The following NME6 variants were observed in gnomAD, a reference collection of about 807,000 sequenced individuals.
NME6 encodes NME/NM23 nucleoside diphosphate kinase 6, also known as nucleoside diphosphate kinase 6, mitochondrial.
In NME6, 16 loss-of-function variants were observed where a neutral mutation model predicts 22.2. That is an observed-to-expected ratio of 0.72 (90% CI 0.49 to 1.09). The LOEUF is 1.09. Ranked by LOEUF, NME6 falls within the 50% of genes least tolerant of loss-of-function variation. The pLI is 0.00. For synonymous variants in NME6, 58 were observed against 85.2 expected (o/e 0.68, Z 1.76); for missense variants, 229 against 239.0 (o/e 0.96, Z 0.28).
At position 48,294,680 on chromosome 3, in the gene NME6, C is replaced by A; in HGVS notation, c.518G>T (p.Gly173Val). Reference protein sequence around the residue: ...CGPVCYSPEGGVHYVAGTGGL... With the variant: ...CGPVCYSPEGVVHYVAGTGGL... ...TCCTGTTCCAGCTACATAGTGGACA[C>A]CTCCCTCTGGGCTATAGCACACAGG... Residue 173 changes from glycine to valine, a missense_variant, in exon 6 of 6, where the codon GGT (glycine) becomes GTT (valine). Physicochemically the swap from Gly to Val is moderately radical, Grantham distance 109. Coordinates refer to ENST00000442597, the MANE Select transcript of NME6 (RefSeq NM_001308426.2). 6.2e-7 allele frequency: 1 copy of A among 1,614,188 alleles called. No homozygotes were observed. The highest frequency in any genetic ancestry group is 8.5e-7 in the Non-Finnish European group (1 of 1,180,024).
intron 2 of NME6, chr3:48,298,007 C>T: frequency 4.2e-6 from 1 of 237,730 alleles, no homozygotes; most frequent in Non-Finnish European, 8.3e-6. Flanking sequence ...ATTCTTCCCC[C>T]AGACCCTCCA....
downstream of NME6, chr3:48,292,285 T>C (rs2034568493): frequency 6.6e-6 from 1 of 152,192 alleles, no homozygotes; most frequent in African/African-American, 2.4e-5. Context: ...TCTATCTCTA[T>C]AGACTGAAAT....
chr3:48,298,132 G>A (rs1038100188), intron 2 of NME6: 19 of 401,860 alleles, frequency 4.7e-5, no homozygotes, highest in Non-Finnish European at 7.9e-5. Flanking sequence ...ACAAATAAGT[G>A]TTGTTTTAAG....
chr3:48,301,129 G>A (rs1232172367), intron 1 of NME6: 3 of 702,612 alleles, frequency 4.3e-6, no homozygotes, highest in South Asian at 5.0e-5. Flanking sequence ...GGAGGGCGGC[G>A]GCCCAGCCCT....
At chr3:48,292,262 A>C (rs886376627), downstream of NME6, 1 of 152,200 alleles carries the variant, frequency 6.6e-6, no homozygotes, top group African/African-American at 2.4e-5. Context: ...ATACATACAA[A>C]AACATATTTA....
chr3:48,291,348 A>G, downstream of NME6: 1 of 473,154 alleles, frequency 2.1e-6, no homozygotes, highest in Non-Finnish European at 4.2e-6. Flanking sequence ...ATGGTCGCAG[A>G]CTTCCTTGTT....
chr3:48,295,285 G>A, intron 4 of NME6, 50 bp from the exon 5 acceptor site: 1 of 1,563,552 alleles, frequency 6.4e-7, no homozygotes. Flanking sequence ...TAGACTAGGA[G>A]GGTGTGCTGT....
chr3:48,288,299 T>C (rs1413872036), downstream of NME6, among the ~76,000 whole-genome samples: 1 of 150,716 alleles, frequency 6.6e-6, no homozygotes, highest in Non-Finnish European at 1.5e-5. Context: ...GAAGATCACC[T>C]GAGTCGGGGA....
chr3:48,293,303 T>G lies in NME6; in HGVS notation c.*1334A>C, dbSNP rs1014585915. 6.6e-6 allele frequency: 1 copy of G among 152,232 alleles called. No homozygotes were observed. The highest frequency in any genetic ancestry group is 2.4e-5 in the African/African-American group (1 of 41,460). The allele number at this position is 152,232 out of a possible 1,614,324, so 9.4% of individuals were successfully genotyped here. A position where few individuals can be genotyped will look rare whatever the true frequency, so the allele number is the denominator to read the frequency against. On this transcript the variant is annotated 3_prime_UTR_variant, in exon 6 of 6. Coordinates refer to ENST00000442597, the MANE Select transcript of NME6 (RefSeq NM_001308426.2). ...ACAGCTTTTCTAGTTGTTCTCTATG[T>G]TCAGTGGGTCCAAATTTCCTGGTCT...
In NME6 at chr3:48,292,592, C is replaced by T. The variant is rs1426275798; in HGVS notation, c.*2045G>A. The T allele has an allele frequency of 1.3e-5, 2 of 152,056 alleles. No individual in the cohort carries two copies. The highest frequency in any genetic ancestry group is 2.9e-5 in the Non-Finnish European group (2 of 68,050). 9.4% of individuals were successfully genotyped at this position (152,056 alleles called of 1,614,324 possible). ...TGAGATGGAGTTTCACTCTTGTTGCCCAGGCTGGAGTGCAACGGCGTGATC... is the reference window on the plus strand; with the variant it reads ...TGAGATGGAGTTTCACTCTTGTTGCTCAGGCTGGAGTGCAACGGCGTGATC... On this transcript the variant is annotated 3_prime_UTR_variant, in exon 6 of 6. Coordinates refer to ENST00000442597, the MANE Select transcript of NME6 (RefSeq NM_001308426.2).
At position 48,296,310 on chromosome 3, in the gene NME6, G is replaced by T. The variant is rs886222972; in HGVS notation, c.194-152C>A. 2.8e-6 allele frequency: 3 copies of T among 1,064,400 alleles called. No individual in the cohort carries two copies. In the Admixed American group the frequency reaches 6.3e-5, roughly 22 times the overall value. The allele number at this position is 1,064,400 out of a possible 1,614,324, so 65.9% of individuals were successfully genotyped here. A position where few individuals can be genotyped will look rare whatever the true frequency, so the allele number is the denominator to read the frequency against. ...CTGACAAACCTGGGTCTGAATCCAG[G>T]GTCTGCCACTTACAACCTGCGTAGT... is the stretch of plus-strand genomic sequence containing the variant. On this transcript the variant is annotated intron_variant, in intron 3 of 5. Coordinates refer to ENST00000442597, the MANE Select transcript of NME6 (RefSeq NM_001308426.2).
At chr3:48,295,954 T>A (rs916113100) in intron 4 of NME6, 165 bp downstream of exon 4, 2 of 641,524 alleles carry the variant, frequency 3.1e-6, no homozygotes, top group Admixed American at 2.6e-5. Context: ...TGACCTCAAG[T>A]GATCCACCCG....
At chr3:48,298,588 G>T (rs2035371172) in intron 1 of NME6, 65 bp from the exon 2 acceptor site, 5 of 1,225,020 alleles carry the variant, frequency 4.1e-6, no homozygotes, top group Non-Finnish European at 5.6e-6. Context: ...CTACATTGGA[G>T]CCACGCAGCC....
chr3:48,298,533 G>C lies in NME6; in HGVS notation c.-7-10C>G, dbSNP rs1314223940. ...TGAGGCCATCTCACTCCTGCCATTA[G>C]AGAGCTGTATTAGGAACCCTTCAGG... is the stretch of plus-strand genomic sequence containing the variant. On this transcript the variant is annotated splice_polypyrimidine_tract_variant and intron_variant, in intron 1 of 5. Coordinates refer to ENST00000442597, the MANE Select transcript of NME6 (RefSeq NM_001308426.2). 6.3e-7 allele frequency: 1 copy of C among 1,589,872 alleles called. No individual in the cohort carries two copies. The highest frequency in any genetic ancestry group is 1.3e-5 in the African/African-American group (1 of 74,244).
At chr3:48,289,230 A>C (rs919025844), downstream of NME6, among the ~76,000 whole-genome samples, 4 of 151,460 alleles carry the variant, frequency 2.6e-5, no homozygotes, top group Non-Finnish European at 4.4e-5. Context: ...ATGCCCAGTT[A>C]ATTTTGTATT....
At chr3:48,299,067 G>C in intron 1 of NME6, 1 of 685,988 alleles carries the variant, frequency 1.5e-6, no homozygotes. Context: ...ATTATGGAGA[G>C]ATCAGGATCT....
chr3:48,299,774 ATG>A (rs2035505509), intron 1 of NME6, among the ~76,000 whole-genome samples: 1 of 152,158 alleles, frequency 6.6e-6, no homozygotes, highest in Non-Finnish European at 1.5e-5. Flanking sequence ...GCTCCTATTC[ATG>A]TCCTTTCTAC....
intron 4 of NME6, chr3:48,295,586 G>A (rs2034997482): frequency 3.8e-6 from 1 of 263,808 alleles, no homozygotes; most frequent in African/African-American, 2.2e-5. Flanking sequence ...CTGTTGCCCA[G>A]GCTAGAGTAC....
chr3:48,297,723 CAT>C (rs2035262809), intron 2 of NME6: 1 of 152,768 alleles, frequency 6.5e-6, no homozygotes, highest in Non-Finnish European at 1.5e-5. Context: ...TAATTAATCA[CAT>C]GAGCCCTGTG....
Sources: allele counts gnomAD v4.1 joint callset (sites outside exome capture counted in the v4.1 genomes callset), GRCh38; gene constraint gnomAD v4.1.1; transcripts MANE v1.5; gene names NCBI Gene and HGNC (gene_info 2026-07-23, HGNC 2026-07-21).